The following TMCO6 variants were observed in gnomAD, a reference collection of about 807,000 sequenced individuals.
The protein encoded by TMCO6 is transmembrane and coiled-coil domains 6.
A neutral mutation model predicts 61.8 loss-of-function variants in TMCO6; 47 were observed. The ratio of observed to expected loss-of-function variants is 0.76; its 90% confidence interval spans 0.60 to 0.97. The LOEUF is 0.97. Ranked by LOEUF, TMCO6 falls within the 50% of genes least tolerant of loss-of-function variation. The pLI is 0.00. For synonymous variants in TMCO6, 261 were observed against 254.2 expected, an observed-to-expected ratio of 1.03 and a Z score of -0.25; for missense variants, 557 against 601.6, an observed-to-expected ratio of 0.93 and a Z score of 0.78.
At chr5:140,637,512 C>G (rs1006853397), upstream of TMCO6, among the ~76,000 whole-genome samples, 1 of 152,144 alleles carries the variant, frequency 6.6e-6, no homozygotes, top group African/African-American at 2.4e-5. Context: ...GGCCGCCCCC[C>G]ACAACCATCT....
At chr5:140,641,070 C>T (rs1756998296) in intron 2 of TMCO6, 1 of 154,904 alleles carries the variant, frequency 6.5e-6, no homozygotes, top group African/African-American at 2.4e-5. Context: ...GAGTCCTTTT[C>T]TTTGAGGTGC....
intron 2 of TMCO6, 57 bp downstream of exon 2, chr5:140,639,908 G>C (rs1386199387): frequency 6.8e-7 from 1 of 1,478,810 alleles, no homozygotes; most frequent in East Asian, 2.4e-5. Context: ...CAGACTCCCG[G>C]GAGTACTCGA....
chr5:140,645,748 C>T, downstream of TMCO6: 3 of 1,608,540 alleles, frequency 1.9e-6, no homozygotes, highest in East Asian at 2.2e-5. Flanking sequence ...AATAAAAGAT[C>T]TTTGTCTTTA....
In TMCO6 at chr5:140,642,331, C is replaced by T; in HGVS notation, c.515C>T (p.Thr172Ile). The T allele has an allele frequency of 6.2e-7, 1 of 1,613,130 alleles. No homozygotes were observed. The highest frequency in any genetic ancestry group is 8.5e-7 in the Non-Finnish European group (1 of 1,179,512). Residue 172 changes from threonine to isoleucine, a missense_variant, in exon 5 of 12, where the codon ACA becomes ATA. By Grantham distance (89) the Thr-to-Ile change is moderately conservative (BLOSUM62 -1). Transcript: ENST00000394671. ...SSDFIELCLY[T>I]LGNLIVESEA... ...TGTTCTCAGGAGCTGTGTCTGTATA[C>T]ACTGGGTAACCTGATCGTGGAGAGT... is the stretch of plus-strand genomic sequence containing the variant.
the TMCO6 span, among the ~76,000 whole-genome samples, chr5:140,628,242 G>A: frequency 6.6e-6 from 1 of 151,916 alleles, no homozygotes; most frequent in Non-Finnish European, 1.5e-5. Context: ...TGACATGCTT[G>A]GATATTCTGA....
chr5:140,615,946 C>T, the TMCO6 span, among the ~76,000 whole-genome samples: 1 of 152,152 alleles, frequency 6.6e-6, no homozygotes, highest in Admixed American at 6.5e-5. Flanking sequence ...GCCTGGCCAA[C>T]ATGGCGAAAC....
At chr5:140,606,312 C>T in the TMCO6 span, among the ~76,000 whole-genome samples, 2 of 151,864 alleles carry the variant, frequency 1.3e-5, no homozygotes, top group Non-Finnish European at 2.9e-5. Flanking sequence ...CCAGGCCTGG[C>T]TAAATAAACA....
At position 140,644,111 on chromosome 5, in the gene TMCO6, A is replaced by C; in HGVS notation, c.1117A>C (p.Ser373Arg). Residue 373 changes from serine (S) to arginine (R), a missense_variant, in exon 10 of 12, where the codon AGT becomes CGT. Transcript: ENST00000394671. ...LLNNLTANSP[S>R]FCTSLLSLDL... ...TACTTCTCTTCCAGCAAACAGTCCT[A>C]GTTTCTGTACCTCCTTGCTCTCCCT... 3 of 1,614,146 alleles carry C rather than the reference A, an allele frequency of 1.9e-6. No homozygotes were observed. The highest frequency in any genetic ancestry group is 2.5e-6 in the Non-Finnish European group (3 of 1,180,022).
At chr5:140,647,189 G>C (rs530544168), downstream of TMCO6, 30 of 1,476,390 alleles carry the variant, frequency 2.0e-5, no homozygotes, top group African/African-American at 4.1e-4. Flanking sequence ...GACCTTGGGC[G>C]GTCCCTTCTC....
At chr5:140,613,752 G>A in the TMCO6 span, among the ~76,000 whole-genome samples, 4 of 152,130 alleles carry the variant, frequency 2.6e-5, no homozygotes, top group South Asian at 8.3e-4. Context: ...CCCAGCTGGA[G>A]CATAGTGGTG....
At chr5:140,622,167 G>A in the TMCO6 span, among the ~76,000 whole-genome samples, 4 of 152,232 alleles carry the variant, frequency 2.6e-5, no homozygotes, top group East Asian at 7.7e-4. Flanking sequence ...GGGCATCACG[G>A]AACCTACCGA....
intron 4 of TMCO6, 125 bp downstream of exon 4, chr5:140,642,178 C>T: frequency 7.1e-7 from 1 of 1,413,968 alleles, no homozygotes; most frequent in Non-Finnish European, 9.7e-7. Context: ...GCCATGGCTA[C>T]ACCCATCATC....
Position 140,643,980 on chromosome 5 carries a change from T to G in TMCO6, c.1105+14T>G. On this transcript the variant is annotated intron_variant, in intron 9 of 11. Coordinates refer to ENST00000394671, the MANE Select transcript of TMCO6 (RefSeq NM_018502.5). The stretch of plus-strand genomic sequence containing the variant: ...ACAACCTCACTGGTACGCACCATAA[T>G]CTGCCCAGGCCTGGACATTTGGATA... The G allele has an allele frequency of 1.2e-6, 2 of 1,614,102 alleles. No individual in the cohort carries two copies. Among genetic ancestry groups the G allele is most frequent in the Non-Finnish European group, 1.7e-6 (2 of 1,179,972 alleles).
At chr5:140,598,418 A>G in the TMCO6 span, among the ~76,000 whole-genome samples, 3 of 152,192 alleles carry the variant, frequency 2.0e-5, no homozygotes, top group East Asian at 3.9e-4. Flanking sequence ...CCAATTCCCT[A>G]TTAAACTGCT....
At chr5:140,629,725 G>A in the TMCO6 span, among the ~76,000 whole-genome samples, 1 of 152,030 alleles carries the variant, frequency 6.6e-6, no homozygotes, top group African/African-American at 2.4e-5. Flanking sequence ...CCTGAGGTTG[G>A]GTGTTCAAGA....
At chr5:140,632,965 A>G in the TMCO6 span, 1 of 1,614,124 alleles carries the variant, frequency 6.2e-7, no homozygotes, top group South Asian at 1.1e-5. This position sits in a 1 kb window ranked among gnomAD's most constrained non-coding sequence, Gnocchi z 6.2. Flanking sequence ...AGCAGCAACA[A>G]GCAGGACGCG....
upstream of TMCO6, among the ~76,000 whole-genome samples, chr5:140,638,370 G>GCTGGTACTGATAACGT (rs937568925): frequency 2.6e-5 from 4 of 152,296 alleles, no homozygotes; most frequent in African/African-American, 9.6e-5. Context: ...AGGAATGTGA[G>GCTGGTACTGATAACGT]CTGGTACTGA....
At position 140,639,512 on chromosome 5, in the gene TMCO6, C is replaced by A; in HGVS notation, c.-16C>A. On this transcript the variant is annotated 5_prime_UTR_variant, in exon 1 of 12. Transcript: ENST00000394671. ...GTGGCTGCTGTTTCCTTCGGCTTTC[C>A]TCCTCCTGCTCCACCATGTGGAGCC... 6.5e-7 allele frequency: 1 copy of A among 1,549,476 alleles called. No individual in the cohort carries two copies. The highest frequency in any genetic ancestry group is 8.7e-7 in the Non-Finnish European group (1 of 1,146,472).
At chr5:140,627,887 C>T in the TMCO6 span, among the ~76,000 whole-genome samples, 6 of 151,196 alleles carry the variant, frequency 4.0e-5, no homozygotes, top group Non-Finnish European at 7.4e-5. Context: ...CAGAGTGAGG[C>T]TCCATCTCAA....
Sources: gnomAD v4.1 joint callset for allele counts (sites outside exome capture counted in the v4.1 genomes callset) on GRCh38, gnomAD v4.1.1 for gene constraint, Gnocchi (gnomAD v3.1) non-coding constraint, MANE v1.5 for transcripts, NCBI Gene and HGNC (gene_info 2026-07-23, HGNC 2026-07-21) for gene names.